Variants in GREB1L observed in about 807,000 individuals in gnomAD.
The protein encoded by GREB1L is GREB1 like retinoic acid receptor coactivator.
GREB1L carries 17 observed loss-of-function variants against 200.8 expected under a neutral mutation model. The ratio of observed to expected loss-of-function variants is 0.08; its 90% CI spans 0.06 to 0.13. The LOEUF (loss-of-function observed/expected upper bound fraction) is 0.13, where lower values mean the gene tolerates loss of function less well. GREB1L is among the 10% of genes least tolerant of loss of function. The probability of loss-of-function intolerance (pLI) is 1.00; values close to 1 mark genes in which losing one functional copy is unlikely to be tolerated. For synonymous variants in GREB1L, 789 were observed against 893.0 expected, an observed-to-expected ratio of 0.88 and a Z score of 2.08; for missense variants, 1,657 against 2,367.7, an observed-to-expected ratio of 0.70 and a Z score of 6.23.
intron 1 of GREB1L, among the ~76,000 whole-genome samples, chr18:21,344,759 G>A (rs2039319895): frequency 6.6e-6 from 1 of 152,166 alleles, no homozygotes; most frequent in Non-Finnish European, 1.5e-5. Context: ...GGTCATCTGG[G>A]AACTCATAGG....
chr18:21,421,860 A>G (rs2032182297), intron 7 of GREB1L, among the ~76,000 whole-genome samples: 1 of 152,202 alleles, frequency 6.6e-6, no homozygotes, highest in African/African-American at 2.4e-5. Context: ...ATTTTGGGCT[A>G]ACAGAAAGTA....
intron 1 of GREB1L, among the ~76,000 whole-genome samples, chr18:21,244,695 A>G (rs1051719855): frequency 7.2e-5 from 11 of 152,168 alleles, no homozygotes. Context: ...TTTAAACTAT[A>G]TCCCTGCTCT....
chr18:21,264,815 C>T (rs1337289928), intron 1 of GREB1L, among the ~76,000 whole-genome samples: 1 of 152,046 alleles, frequency 6.6e-6, no homozygotes, highest in Non-Finnish European at 1.5e-5. Context: ...TTTTGTTTGG[C>T]ATAGCTAATC....
chr18:21,247,519 G>A (rs952276149), intron 1 of GREB1L, among the ~76,000 whole-genome samples: 21 of 152,104 alleles, frequency 1.4e-4, no homozygotes, highest in African/African-American at 4.6e-4. Flanking sequence ...CTGTATTCCC[G>A]TGTTTGCCTA....
At chr18:21,499,680 G>C in intron 21 of GREB1L, 49 bp from the exon 22 acceptor site, 1 of 1,368,914 alleles carries the variant, frequency 7.3e-7, no homozygotes, top group Non-Finnish European at 1.0e-6. Flanking sequence ...CCACACCCTA[G>C]ATCAGTAACA....
At chr18:21,273,096 G>A (rs886611600) in intron 1 of GREB1L, among the ~76,000 whole-genome samples, 26 of 152,094 alleles carry the variant, frequency 1.7e-4, no homozygotes, top group African/African-American at 5.8e-4. Context: ...ATGTGGTTGC[G>A]GGTGCCTGTA....
chr18:21,275,371 A>C, intron 1 of GREB1L, among the ~76,000 whole-genome samples: 1 of 152,198 alleles, frequency 6.6e-6, no homozygotes, highest in South Asian at 2.1e-4. Flanking sequence ...GTTATTTTAA[A>C]ATTTTTAATT....
rs933148429 is a variant in GREB1L at position 21,439,629 on chromosome 18, G to A, written c.941G>A (p.Gly314Glu). ...SLSPRPSYAS[G>E]DQATMFISGP... ...TCACCACGACCTAGCTATGCATCAG[G>A]AGATCAAGGTACAATGCCTGTCGTA... The change falls in exon 8 of 33, where the codon GGA (glycine) becomes GAA (glutamate). Residue 314 changes from glycine to glutamate, a missense_variant. Gly to Glu is a moderately conservative substitution (Grantham distance 98, BLOSUM62 -2). Transcript: ENST00000424526. The A allele has an allele frequency of 6.5e-7, 1 of 1,542,152 alleles. No homozygotes were observed. Among genetic ancestry groups the A allele is most frequent in the Non-Finnish European group, 8.8e-7 (1 of 1,137,768 alleles).
At chr18:21,465,370 T>C (rs1455448042) in intron 15 of GREB1L, among the ~76,000 whole-genome samples, 1 of 152,200 alleles carries the variant, frequency 6.6e-6, no homozygotes, top group East Asian at 1.9e-4. Flanking sequence ...AAGAATATTA[T>C]ACTGATGTTG....
At chr18:21,266,479 G>C (rs903429378) in intron 1 of GREB1L, among the ~76,000 whole-genome samples, 7 of 152,198 alleles carry the variant, frequency 4.6e-5, no homozygotes, top group Non-Finnish European at 8.8e-5. Flanking sequence ...TTTGTGGTGA[G>C]CCTTGGGCTG....
chr18:21,369,470 A>C (rs2039792120), intron 2 of GREB1L, among the ~76,000 whole-genome samples: 2 of 152,146 alleles, frequency 1.3e-5, no homozygotes, highest in Non-Finnish European at 2.9e-5. Flanking sequence ...TTTACAGAAG[A>C]ATTTCTGGCA....
rs1272805204 is a variant in GREB1L, at chr18:21,513,810, T to A, written c.4736-11T>A. 5 of 1,550,364 alleles carry A rather than the reference T, an allele frequency of 3.2e-6. No individual in the cohort carries two copies. The highest frequency in any genetic ancestry group is 4.4e-6 in the Non-Finnish European group (5 of 1,146,686). ...GTGTGGATATGCAGATGTGGTTATG[T>A]TGCCTTCCAGGTGCTGCCAGGTTCC... On this transcript the variant is annotated splice_polypyrimidine_tract_variant and intron_variant, in intron 27 of 32. Transcript: ENST00000424526.
At chr18:21,253,973 A>G (rs956917915) in intron 1 of GREB1L, among the ~76,000 whole-genome samples, 31 of 150,606 alleles carry the variant, frequency 2.1e-4, no homozygotes, top group South Asian at 8.4e-4. Flanking sequence ...AGTAGCTGGG[A>G]CTACAGGTGT....
chr18:21,324,471 C>T (rs2038993445), intron 1 of GREB1L, among the ~76,000 whole-genome samples: 1 of 152,154 alleles, frequency 6.6e-6, no homozygotes, highest in Non-Finnish European at 1.5e-5. Flanking sequence ...ATTTTTGTCT[C>T]TGTCAAAATC....
chr18:21,408,341 C>A (rs1198298671), intron 7 of GREB1L, among the ~76,000 whole-genome samples: 1 of 152,046 alleles, frequency 6.6e-6, no homozygotes, highest in Non-Finnish European at 1.5e-5. Context: ...AGTATTAACA[C>A]CCAGAATTTA....
intron 1 of GREB1L, among the ~76,000 whole-genome samples, chr18:21,299,531 TTTTCTTTC>T (rs964513064): frequency 7.3e-5 from 11 of 151,564 alleles, no homozygotes; most frequent in African/African-American, 2.7e-4. Context: ...CTTTTTTTTT[TTTTCTTTC>T]TTTCTTTCTT....
At chr18:21,295,248 A>T (rs749621807) in intron 1 of GREB1L, among the ~76,000 whole-genome samples, 57 of 152,184 alleles carry the variant, frequency 3.7e-4, no homozygotes, top group Non-Finnish European at 6.9e-4. Flanking sequence ...TCCTGTGACC[A>T]TCAGGTCAGA....
Position 21,377,871 on chromosome 18 carries a change from T to C in GREB1L, c.-9-5639T>C, listed in dbSNP as rs577984254. Among the ~76,000 whole-genome samples the C allele has an allele frequency of 6.6e-5, 10 of 151,090 alleles. No homozygotes were observed. In the South Asian group the frequency reaches 1.9e-3, roughly 29 times the overall value. ...GTTGCAGTGAGCCGGGGTAGCGCTA[T>C]TGCACTCCAGCCTGGGCAACAAGAG... On this transcript the variant is annotated intron_variant, in intron 2 of 32. Transcript: ENST00000424526.
intron 1 of GREB1L, 45 bp downstream of exon 1, chr18:21,242,438 G>A (rs2037512322): frequency 6.6e-6 from 1 of 152,312 alleles, no homozygotes; most frequent in Non-Finnish European, 1.5e-5. Flanking sequence ...GAGGTGAGAG[G>A]TCGCGAACCG....
Sources: allele counts gnomAD v4.1 joint callset (sites outside exome capture counted in the v4.1 genomes callset), GRCh38; gene constraint gnomAD v4.1.1; transcripts MANE v1.5; gene names NCBI Gene and HGNC (gene_info 2026-07-23, HGNC 2026-07-21).